Variants in TLCD4 observed in about 807,000 individuals in gnomAD.
TLCD4 encodes TLC domain-containing protein 4.
A neutral mutation model predicts 24.2 loss-of-function variants in TLCD4; 7 were observed. The ratio of observed to expected loss-of-function variants is 0.29; its 90% CI spans 0.16 to 0.54. TLCD4 has a LOEUF of 0.54. TLCD4 is among the 20% of genes least tolerant of loss of function. The pLI, the probability that TLCD4 is intolerant of heterozygous loss-of-function variation, is 0.95. For synonymous variants in TLCD4, 103 were observed against 106.4 expected, an observed-to-expected ratio of 0.97 and a Z score of 0.20; for missense variants, 259 against 313.9, an observed-to-expected ratio of 0.82 and a Z score of 1.32.
intron 1 of TLCD4, among the ~76,000 whole-genome samples, chr1:95,140,081 T>C (rs575347878): frequency 7.7e-4 from 118 of 152,276 alleles, no homozygotes; most frequent in African/African-American, 2.7e-3. Context: ...TTCCTGAGGC[T>C]GTTTTACAGT....
chr1:95,142,291 C>CTTTTTTTTTTTT (rs33917874), intron 1 of TLCD4, among the ~76,000 whole-genome samples: 1 of 116,794 alleles, frequency 8.6e-6, no homozygotes, highest in Non-Finnish European at 1.8e-5. Flanking sequence ...TTATAAAAAT[C>CTTTTTTTTTTTT]TTTTTTTTTT....
chr1:95,151,299 A>G (rs1677484281), intron 4 of TLCD4, 26 bp from the exon 5 acceptor site: 2 of 1,609,436 alleles, frequency 1.2e-6, no homozygotes, highest in Non-Finnish European at 1.7e-6. Flanking sequence ...CTTATGTAAT[A>G]CCTTACTCAC....
intron 5 of TLCD4, 68 bp downstream of exon 5, chr1:95,151,487 A>C: frequency 6.5e-7 from 1 of 1,544,198 alleles, no homozygotes. Context: ...AAAGGTGAAC[A>C]TAAATCTAAA....
chr1:95,117,810 C>T (rs1316410769), intron 1 of TLCD4, 193 bp downstream of exon 1: 1 of 151,022 alleles, frequency 6.6e-6, no homozygotes, highest in Non-Finnish European at 1.5e-5. Context: ...CCCGGGGCTC[C>T]CGGGCGGGCT....
chr1:95,173,715 A>T, intron 5 of TLCD4, 101 bp from the exon 6 acceptor site: 1 of 1,482,478 alleles, frequency 6.7e-7, no homozygotes, highest in South Asian at 1.2e-5. Flanking sequence ...TTTGGTATTG[A>T]TTGTTATATT....
rs1678551613 is a variant in TLCD4 at position 95,179,257 on chromosome 1, T to A, written c.473+5368T>A. Among the ~76,000 whole-genome samples the A allele has an allele frequency of 2.0e-5, 3 of 152,378 alleles. No individual in the cohort carries two copies. In the South Asian group the frequency reaches 6.2e-4, roughly 32 times the overall value. ...GCCATACACGGAACCTACAGCTATG[T>A]GTGAGCAACATACCTTTAGTAGAAC... On this transcript the variant is annotated intron_variant, in intron 6 of 6. Coordinates refer to ENST00000370203, the MANE Select transcript of TLCD4 (RefSeq NM_152487.3).
the TLCD4 span, among the ~76,000 whole-genome samples, chr1:95,111,765 G>A: frequency 6.6e-6 from 1 of 152,114 alleles, no homozygotes; most frequent in Non-Finnish European, 1.5e-5. Flanking sequence ...CTAGGCTCTT[G>A]GACCCCTGGG....
intron 5 of TLCD4, among the ~76,000 whole-genome samples, chr1:95,168,547 G>A (rs1678096661): frequency 7.7e-6 from 1 of 129,880 alleles, no homozygotes; most frequent in Non-Finnish European, 1.6e-5. Flanking sequence ...AATGAAATGT[G>A]AGTGAGCTTT....
At chr1:95,161,177 C>T (rs1372149990) in intron 5 of TLCD4, among the ~76,000 whole-genome samples, 2 of 152,176 alleles carry the variant, frequency 1.3e-5, no homozygotes, top group Non-Finnish European at 2.9e-5. Context: ...GCCTCAATTT[C>T]AGAGCCTGTT....
chr1:95,143,140 C>G (rs1402024884), intron 1 of TLCD4, among the ~76,000 whole-genome samples: 1 of 152,116 alleles, frequency 6.6e-6, no homozygotes, highest in African/African-American at 2.4e-5. Flanking sequence ...GAGGTACTTT[C>G]AGTTTTCCAT....
chr1:95,142,626 C>T (rs1025165406), intron 1 of TLCD4, among the ~76,000 whole-genome samples: 1 of 152,092 alleles, frequency 6.6e-6, no homozygotes, highest in Non-Finnish European at 1.5e-5. Flanking sequence ...CCATTGGCCA[C>T]TTGTTGTACA....
upstream of TLCD4, among the ~76,000 whole-genome samples, chr1:95,114,875 G>A (rs1180052825): frequency 6.6e-6 from 1 of 151,862 alleles, no homozygotes; most frequent in Non-Finnish European, 1.5e-5. Context: ...TTCAAGTGTG[G>A]ATAAATACTT....
chr1:95,126,437 A>G (rs1452867233), intron 1 of TLCD4, among the ~76,000 whole-genome samples: 1 of 152,006 alleles, frequency 6.6e-6, no homozygotes, highest in South Asian at 2.1e-4. Context: ...CAGGAGAAAA[A>G]AAAAAAAAAA....
At chr1:95,151,621 CTGTT>C (rs1242584248) in intron 5 of TLCD4, among the ~76,000 whole-genome samples, 1 of 151,952 alleles carries the variant, frequency 6.6e-6, no homozygotes, top group African/African-American at 2.4e-5. Flanking sequence ...GTTGGTGTGT[CTGTT>C]TGTATTCATA....
At chr1:95,122,928 A>G (rs1408586633) in intron 1 of TLCD4, among the ~76,000 whole-genome samples, 2 of 152,172 alleles carry the variant, frequency 1.3e-5, no homozygotes, top group African/African-American at 4.8e-5. Context: ...AAAGTTTGAA[A>G]AATTTACAAG....
intron 1 of TLCD4, among the ~76,000 whole-genome samples, chr1:95,123,983 T>G (rs1401300369): frequency 6.6e-6 from 1 of 152,194 alleles, no homozygotes; most frequent in Non-Finnish European, 1.5e-5. Context: ...TCCCCAAATA[T>G]TCACTCAGCA....
intron 1 of TLCD4, among the ~76,000 whole-genome samples, chr1:95,122,602 A>T (rs552610948): frequency 7.9e-5 from 12 of 150,948 alleles, no homozygotes; most frequent in Non-Finnish European, 1.6e-4. Flanking sequence ...ATCTCTGACA[A>T]CTCTCCCCCT....
At chr1:95,150,469 C>A (rs1048356663) in intron 4 of TLCD4, among the ~76,000 whole-genome samples, 1 of 152,128 alleles carries the variant, frequency 6.6e-6, no homozygotes, top group Non-Finnish European at 1.5e-5. Flanking sequence ...ATCAGAGTTA[C>A]AGAGTGATGC....
intron 5 of TLCD4, among the ~76,000 whole-genome samples, chr1:95,161,430 T>G (rs1427840242): frequency 6.6e-6 from 1 of 152,212 alleles, no homozygotes; most frequent in Non-Finnish European, 1.5e-5. Context: ...GTCTATCAAT[T>G]TTGTTGATCT....
Sources: allele counts gnomAD v4.1 joint callset (sites outside exome capture counted in the v4.1 genomes callset), GRCh38; gene constraint gnomAD v4.1.1; transcripts MANE v1.5; gene names NCBI Gene and HGNC (gene_info 2026-07-23, HGNC 2026-07-21).